The following ANKRD33B variants were observed in gnomAD, a reference collection of about 807,000 sequenced individuals.
ANKRD33B encodes ankyrin repeat domain-containing protein 33B.
In ANKRD33B, 6 loss-of-function variants were observed where a neutral mutation model predicts 21.5. The observed-to-expected ratio is 0.28, with a 90% CI of 0.15 to 0.55. ANKRD33B has a LOEUF of 0.55. Among genes scored for constraint, ANKRD33B ranks in the 20% least tolerant of loss-of-function variants. The pLI, the probability that ANKRD33B is intolerant of heterozygous loss-of-function variation, is 0.94. For missense variants in ANKRD33B, 698 were observed against 747.2 expected, an observed-to-expected ratio of 0.93 and a Z score of 0.77; for synonymous variants, 347 against 342.4, an observed-to-expected ratio of 1.01 and a Z score of -0.15.
chr5:10,653,732 T>G lies in ANKRD33B; in HGVS notation c.*3619T>G, dbSNP rs1339780564. ...TGCAGGCTTCTTGTCCCATCCCCACTCAGTATCATCGGGTATCTGGTAGTC... is the reference window on the plus strand; with the variant it reads ...TGCAGGCTTCTTGTCCCATCCCCACGCAGTATCATCGGGTATCTGGTAGTC... On this transcript the variant is annotated 3_prime_UTR_variant, in exon 4 of 4. Coordinates refer to ENST00000296657, the MANE Select transcript of ANKRD33B (RefSeq NM_001164440.2). 6.6e-6 allele frequency: 1 copy of G among 152,332 alleles called. No homozygotes were observed. Among genetic ancestry groups the G allele is most frequent in the Non-Finnish European group, 1.5e-5 (1 of 68,100 alleles). The allele number at this position is 152,332 out of a possible 1,614,324, so 9.4% of individuals were successfully genotyped here.
At chr5:10,588,548 G>A (rs1293274855) in intron 1 of ANKRD33B, among the ~76,000 whole-genome samples, 1 of 152,220 alleles carries the variant, frequency 6.6e-6, no homozygotes, top group East Asian at 1.9e-4. Context: ...CCCTAAGGTA[G>A]GATTAGACTT....
At chr5:10,604,570 G>A (rs1050967533) in intron 1 of ANKRD33B, among the ~76,000 whole-genome samples, 1 of 151,400 alleles carries the variant, frequency 6.6e-6, no homozygotes, top group Non-Finnish European at 1.5e-5. Flanking sequence ...TCTTCTGGGA[G>A]TATAGTGAAG....
At chr5:10,605,242 G>A (rs897630505) in intron 1 of ANKRD33B, among the ~76,000 whole-genome samples, 1 of 152,200 alleles carries the variant, frequency 6.6e-6, no homozygotes, top group South Asian at 2.1e-4. Flanking sequence ...TCTGGCCTTG[G>A]AAGGCACACA....
At chr5:10,628,092 C>T (rs1736621227) in intron 2 of ANKRD33B, 1 of 152,288 alleles carries the variant, frequency 6.6e-6, no homozygotes, top group Non-Finnish European at 1.5e-5. Context: ...CTGGCCTGGT[C>T]TGGAGAACTG....
At chr5:10,583,003 T>C (rs1208177929) in intron 1 of ANKRD33B, among the ~76,000 whole-genome samples, 2 of 151,926 alleles carry the variant, frequency 1.3e-5, no homozygotes, top group East Asian at 1.9e-4. Flanking sequence ...TTTTTTTTTT[T>C]TTCTTGTTTT....
intron 1 of ANKRD33B, among the ~76,000 whole-genome samples, chr5:10,598,274 T>C (rs976558719): frequency 6.6e-6 from 1 of 152,206 alleles, no homozygotes; most frequent in Admixed American, 6.5e-5. Flanking sequence ...TTTTGTTTTT[T>C]GTTTTTTTTT....
intron 1 of ANKRD33B, among the ~76,000 whole-genome samples, chr5:10,573,887 A>C (rs764520139): frequency 1.3e-5 from 2 of 152,226 alleles, no homozygotes; most frequent in African/African-American, 2.4e-5. Context: ...ACCATATCAC[A>C]TACTTAATGA....
At position 10,654,775 on chromosome 5, in the gene ANKRD33B, C is replaced by G. The variant is rs111981060; in HGVS notation, c.*4662C>G. The G allele has an allele frequency of 1.0e-2, 1,521 of 152,634 alleles. 22 individuals are homozygous for G. Among genetic ancestry groups the G allele is most frequent in the African/African-American group, 0.034 (1,432 of 41,574 alleles). The allele number at this position is 152,634 out of a possible 1,614,324, so 9.5% of individuals were successfully genotyped here. On this transcript the variant is annotated 3_prime_UTR_variant, in exon 4 of 4. Transcript: ENST00000296657. ...CCCTCCAGAACCGGCCGCTCCCGGTCTGACGTTGGAGCACGTGAACTAAGA... is the reference window on the plus strand; with the variant it reads ...CCCTCCAGAACCGGCCGCTCCCGGTGTGACGTTGGAGCACGTGAACTAAGA...
intron 1 of ANKRD33B, among the ~76,000 whole-genome samples, chr5:10,605,618 T>G (rs1435641085): frequency 6.6e-6 from 1 of 151,948 alleles, no homozygotes; most frequent in Non-Finnish European, 1.5e-5. Flanking sequence ...AACCTCCGCC[T>G]CCCGGGTTCA....
intron 1 of ANKRD33B, among the ~76,000 whole-genome samples, chr5:10,613,989 TCG>T (rs1491494031): frequency 2.8e-4 from 11 of 38,702 alleles, no homozygotes; most frequent in Non-Finnish European, 4.2e-4. Flanking sequence ...TCCAGAGAAA[TCG>T]TGTGTGTGTG....
intron 2 of ANKRD33B, among the ~76,000 whole-genome samples, chr5:10,633,741 G>A (rs961446893): frequency 1.3e-5 from 2 of 152,206 alleles, no homozygotes; most frequent in Non-Finnish European, 2.9e-5. Flanking sequence ...GTTTTGAGGA[G>A]GACTGGTCAG....
chr5:10,564,946 C>T, intron 1 of ANKRD33B, 113 bp downstream of exon 1: 1 of 1,357,256 alleles, frequency 7.4e-7, no homozygotes, highest in Non-Finnish European at 9.7e-7. Context: ...CTCGGTCACT[C>T]AGCCGCCGCC....
At chr5:10,636,457 A>ATT (rs34572739) in intron 2 of ANKRD33B, among the ~76,000 whole-genome samples, 1 of 151,544 alleles carries the variant, frequency 6.6e-6, no homozygotes, top group African/African-American at 2.4e-5. Flanking sequence ...ACAAAAAAAA[A>ATT]TTTTTTTTAA....
At chr5:10,603,437 A>G (rs959468730) in intron 1 of ANKRD33B, among the ~76,000 whole-genome samples, 2 of 149,338 alleles carry the variant, frequency 1.3e-5, no homozygotes, top group African/African-American at 4.9e-5. Flanking sequence ...TAATTGTTGT[A>G]TTTTTAGTAG....
At chr5:10,615,713 A>G (rs1426885592) in intron 1 of ANKRD33B, among the ~76,000 whole-genome samples, 1 of 152,222 alleles carries the variant, frequency 6.6e-6, no homozygotes, top group Non-Finnish European at 1.5e-5. Context: ...AATTATATGC[A>G]AAGGAAGATG....
chr5:10,624,130 C>CTTT (rs60575071), intron 2 of ANKRD33B, among the ~76,000 whole-genome samples: 2 of 134,308 alleles, frequency 1.5e-5, no homozygotes, highest in African/African-American at 5.6e-5. Context: ...TCTTTCTTTT[C>CTTT]TTTTTTTTTT....
rs999743370 is a variant in ANKRD33B, at chr5:10,649,924, C to T, written c.1296C>T (p.Pro432=). 60 of 1,524,266 alleles carry T rather than the reference C, an allele frequency of 3.9e-5. No homozygotes were observed. Among genetic ancestry groups the T allele is most frequent in the Non-Finnish European group, 5.0e-5 (57 of 1,141,666 alleles). 94.4% of individuals were successfully genotyped at this position (1,524,266 alleles called of 1,614,324 possible). A position where few individuals can be genotyped will look rare whatever the true frequency, so the allele number is the denominator to read the frequency against. ...CCCGGGTCCGAGTCAGCAAGGCGCC[C>T]GCGCCCACCTTCCAGCCCGAGCGGC... ...VVPRVRVSKA[P]APTFQPERPA... The change falls in exon 4 of 4, where the codon CCC becomes CCT. Residue 432 remains proline, a synonymous_variant. Coordinates refer to ENST00000296657, the MANE Select transcript of ANKRD33B (RefSeq NM_001164440.2).
intron 3 of ANKRD33B, among the ~76,000 whole-genome samples, chr5:10,641,225 C>CTTCTT (rs1553995125): frequency 3.9e-5 from 3 of 77,446 alleles, no homozygotes; most frequent in Non-Finnish European, 5.5e-5. Flanking sequence ...TCTTCTTCTT[C>CTTCTT]TTTTTTTTTT....
chr5:10,625,732 A>G (rs1233616765), intron 2 of ANKRD33B, among the ~76,000 whole-genome samples: 1 of 152,202 alleles, frequency 6.6e-6, no homozygotes, highest in Non-Finnish European at 1.5e-5. Context: ...AAATGCATGA[A>G]CCGTGGTATA....
Sources: allele counts gnomAD v4.1 joint callset (sites outside exome capture counted in the v4.1 genomes callset), GRCh38; gene constraint gnomAD v4.1.1; transcripts MANE v1.5; gene names NCBI Gene and HGNC (gene_info 2026-07-23, HGNC 2026-07-21).